Variants in MTSS1 observed in about 807,000 individuals in gnomAD.
MTSS1 encodes the protein protein MTSS 1.
MTSS1 carries 18 observed loss-of-function variants against 79.0 expected under a neutral mutation model. The observed-to-expected ratio is 0.23, with a 90% CI of 0.16 to 0.34. The LOEUF (loss-of-function observed/expected upper bound fraction) is 0.34, where lower values mean the gene tolerates loss of function less well. Among genes scored for constraint, MTSS1 ranks in the 10% least tolerant of loss-of-function variants. The probability of loss-of-function intolerance (pLI) is 1.00; values close to 1 mark genes in which losing one functional copy is unlikely to be tolerated. For synonymous variants in MTSS1, 341 were observed against 368.6 expected (o/e 0.93, Z 0.86); for missense variants, 815 against 986.2 (o/e 0.83, Z 2.33).
At chr8:124,631,109 G>A (rs1038971699) in intron 3 of MTSS1, among the ~76,000 whole-genome samples, 12 of 152,192 alleles carry the variant, frequency 7.9e-5, no homozygotes, top group Admixed American at 2.0e-4. Flanking sequence ...CTGAGGATTC[G>A]CCCTTGAGCC....
At chr8:124,580,529 A>T (rs1050355931) in intron 6 of MTSS1, 1 of 1,535,908 alleles carries the variant, frequency 6.5e-7, no homozygotes, top group Non-Finnish European at 8.7e-7. Flanking sequence ...CAGCCACCAG[A>T]GATTTGGGAT....
chr8:124,572,008 G>T (rs1827901186), intron 6 of MTSS1, among the ~76,000 whole-genome samples: 1 of 152,144 alleles, frequency 6.6e-6, no homozygotes, highest in South Asian at 2.1e-4. Flanking sequence ...AACAGCCTGT[G>T]ATTGTCAGAA....
At chr8:124,585,795 G>A (rs1394993642) in intron 5 of MTSS1, among the ~76,000 whole-genome samples, 1 of 151,770 alleles carries the variant, frequency 6.6e-6, no homozygotes, top group Non-Finnish European at 1.5e-5. Context: ...ACTTTCCCCG[G>A]GCCCAAATCC....
chr8:124,645,033 A>G (rs767258861), intron 3 of MTSS1, among the ~76,000 whole-genome samples: 17 of 152,180 alleles, frequency 1.1e-4, no homozygotes, highest in Admixed American at 3.9e-4. Context: ...ATTTCTGTTC[A>G]AACACCTGAA....
At position 124,555,864 on chromosome 8, in the gene MTSS1, G is replaced by A; in HGVS notation, c.1445C>T (p.Ala482Val). 6 of 1,611,484 alleles carry A rather than the reference G, an allele frequency of 3.7e-6. No homozygotes were observed. Among genetic ancestry groups the A allele is most frequent in the Non-Finnish European group, 5.1e-6 (6 of 1,179,972 alleles). Residue 482 changes from alanine to valine, a missense_variant, in exon 13 of 14, where the codon GCC becomes GTC. Ala to Val is a moderately conservative substitution (Grantham distance 64). Transcript: ENST00000518547. ...EMEACEELAL[A>V]LSRGLQLDTQ... ...GTCCAGCTGCAGGCCCCGAGACAGGGCCAGGGCCAGCTCCTCACAAGCCTC... is the reference window on the plus strand; with the variant it reads ...GTCCAGCTGCAGGCCCCGAGACAGGACCAGGGCCAGCTCCTCACAAGCCTC...
In MTSS1 at chr8:124,557,736, T is replaced by C; in HGVS notation, c.1175A>G (p.His392Arg). 6.2e-7 allele frequency: 1 copy of C among 1,601,330 alleles called. No homozygotes were observed. Among genetic ancestry groups the C allele is most frequent in the Non-Finnish European group, 8.5e-7 (1 of 1,174,032 alleles). ...VTSVHLPDYA[H>R]YYTIGPGMFP... The stretch of plus-strand genomic sequence containing the variant: ...CATGCCGGGCCCAATGGTGTAATAA[T>C]GAGCGTAGTCTGGAAGGTGGACAGA... The change falls in exon 11 of 14, where the codon CAT (histidine) becomes CGT (arginine). Residue 392 changes from histidine (H) to arginine (R), a missense_variant. Physicochemically the swap from His to Arg is conservative, Grantham distance 29. Coordinates refer to ENST00000518547, the MANE Select transcript of MTSS1 (RefSeq NM_014751.6).
rs1271536077 is a variant in MTSS1, at chr8:124,606,173, T to G, written c.209-14938A>C. Among the ~76,000 whole-genome samples the G allele has an allele frequency of 1.5e-4, 11 of 74,208 alleles. No individual in the cohort carries two copies. In the East Asian group the frequency reaches 4.5e-3, roughly 30 times the overall value. The allele number at this position is 74,208 out of a possible 152,430, so 48.7% of individuals were successfully genotyped here. A position where few individuals can be genotyped will look rare whatever the true frequency, so the allele number is the denominator to read the frequency against. ...GTGTTTTCTGTGTTTGGTTTTTTGT[T>G]TTTTTTTTTTTTTTTTGAGATAGAG... On this transcript the variant is annotated intron_variant, in intron 3 of 13. Transcript: ENST00000518547.
Position 124,676,835 on chromosome 8 carries a change from G to A in MTSS1, c.208+22691C>T, listed in dbSNP as rs377691868. On this transcript the variant is annotated intron_variant, in intron 3 of 13. Transcript: ENST00000518547. ...TTAGGAGCCAGGCCTGCCAGACCCA[G>A]TCCCATCAATCAGCCAGCCACGGGC... 7.9e-5 allele frequency among the ~76,000 whole-genome samples: 12 copies of A among 152,268 alleles called. 1 individual carries two copies. The South Asian group carries it at 1.5e-3, about 18-fold the overall frequency.
In MTSS1 at chr8:124,704,184, T is replaced by C; in HGVS notation, c.80A>G (p.Tyr27Cys). ...QTIISDMKGSYPVWEDFINKA... is the reference protein window; with the variant it reads ...QTIISDMKGSCPVWEDFINKA... ...GTTTATGAAATCTTCCCAAACTGGA[T>C]AGCTCCCCTGCAACACATCAAAGAC... The change falls in exon 2 of 14, where the codon TAT becomes TGT. Residue 27 changes from tyrosine to cysteine, a missense_variant. This residue lies in a region of MTSS1 where 225 missense variants were observed against 365.4 expected (regional missense o/e 0.62). Coordinates refer to ENST00000518547, the MANE Select transcript of MTSS1 (RefSeq NM_014751.6). The C allele has an allele frequency of 6.2e-7, 1 of 1,613,960 alleles. No individual in the cohort carries two copies.
chr8:124,563,351 A>C (rs1825743525), intron 9 of MTSS1: 1 of 292,652 alleles, frequency 3.4e-6, no homozygotes, highest in South Asian at 3.2e-5. Flanking sequence ...AGGGGAGCTG[A>C]TGTCAGTAGC....
At chr8:124,711,802 T>C (rs1831205302) in intron 1 of MTSS1, among the ~76,000 whole-genome samples, 1 of 151,672 alleles carries the variant, frequency 6.6e-6, no homozygotes, top group African/African-American at 2.4e-5. Context: ...AGCTCAGGAG[T>C]TCGAGACCAG....
In MTSS1 at chr8:124,566,977, A is replaced by G. The variant is rs1306846076; in HGVS notation, c.726+94T>C. On this transcript the variant is annotated intron_variant, in intron 8 of 13. Coordinates refer to ENST00000518547, the MANE Select transcript of MTSS1 (RefSeq NM_014751.6). ...GAAGGACGTGGTGAATATGACTACAATTTAAGACGTGACACATGCCACAGG... is the reference window on the plus strand; with the variant it reads ...GAAGGACGTGGTGAATATGACTACAGTTTAAGACGTGACACATGCCACAGG... 5.2e-6 allele frequency: 5 copies of G among 956,116 alleles called. No homozygotes were observed. The African/African-American group carries it at 8.2e-5, about 16-fold the overall frequency. The allele number at this position is 956,116 out of a possible 1,614,324, so 59.2% of individuals were successfully genotyped here. A position where few individuals can be genotyped will look rare whatever the true frequency, so the allele number is the denominator to read the frequency against.
At chr8:124,668,673 C>T (rs1587703818) in intron 3 of MTSS1, among the ~76,000 whole-genome samples, 2 of 152,262 alleles carry the variant, frequency 1.3e-5, no homozygotes, top group East Asian at 1.9e-4. Flanking sequence ...AAAGATGAAA[C>T]GGCATCAGCA....
At chr8:124,568,769 T>C (rs893719269) in intron 6 of MTSS1, 2 of 1,456,370 alleles carry the variant, frequency 1.4e-6, no homozygotes, top group East Asian at 2.5e-5. Flanking sequence ...ACAAGGAAAA[T>C]GTCCTGGGGC....
Position 124,553,810 on chromosome 8 carries a change from T to G in MTSS1, c.1568-118A>C. ...GTACACACACAGTCTCATCCCAAGC[T>G]TCCCCCAGGCTTCTCTACCATCTTC... is the stretch of plus-strand genomic sequence containing the variant. On this transcript the variant is annotated intron_variant, in intron 13 of 13. Coordinates refer to ENST00000518547, the MANE Select transcript of MTSS1 (RefSeq NM_014751.6). The surrounding 1 kb of genome is among the most constrained non-coding windows in gnomAD (Gnocchi z 6.0). 1 of 872,976 alleles carries G rather than the reference T, an allele frequency of 1.1e-6. No homozygotes were observed. The highest frequency in any genetic ancestry group is 1.7e-6 in the Non-Finnish European group (1 of 584,990). The allele number at this position is 872,976 out of a possible 1,614,324, so 54.1% of individuals were successfully genotyped here. A position where few individuals can be genotyped will look rare whatever the true frequency, so the allele number is the denominator to read the frequency against.
At chr8:124,577,345 G>A (rs1829153066) in intron 6 of MTSS1, among the ~76,000 whole-genome samples, 1 of 152,204 alleles carries the variant, frequency 6.6e-6, no homozygotes, top group Non-Finnish European at 1.5e-5. Context: ...TGCCTCCCAG[G>A]TTTAAGCGAT....
Position 124,553,128 on chromosome 8 carries a change from T to C in MTSS1, c.2132A>G (p.Gln711Arg), listed in dbSNP as rs1381186243. ...EPPSATVSPG[Q>R]IPESDPADLS... is the part of the protein sequence containing the mutation. ...GTCTGCAGGGTCACTCTCTGGAATC[T>C]GGCCTGGGGAGACAGTGGCACTTGG... Residue 711 changes from glutamine to arginine, a missense_variant, in exon 14 of 14, where the codon CAG (glutamine) becomes CGG (arginine). Physicochemically the swap from Gln to Arg is conservative, Grantham distance 43 (BLOSUM62 1). Coordinates refer to ENST00000518547, the MANE Select transcript of MTSS1 (RefSeq NM_014751.6). This position sits in a 1 kb window ranked among gnomAD's most constrained non-coding sequence, Gnocchi z 6.0. 1.2e-6 allele frequency: 2 copies of C among 1,614,158 alleles called. No homozygotes were observed. Among genetic ancestry groups the C allele is most frequent in the Non-Finnish European group, 1.7e-6 (2 of 1,180,032 alleles).
chr8:124,595,629 C>G (rs79922880), intron 3 of MTSS1, among the ~76,000 whole-genome samples: 8,236 of 152,272 alleles, frequency 0.054, 341 homozygotes, highest in Non-Finnish European at 0.078. Flanking sequence ...CCTGGATCAT[C>G]CAGGATCACC....
intron 3 of MTSS1, among the ~76,000 whole-genome samples, chr8:124,592,935 G>A (rs75506540): frequency 0.019 from 2,891 of 152,248 alleles, 100 homozygotes; most frequent in African/African-American, 0.066. Flanking sequence ...CAAGTGTTGG[G>A]CAACAAATCA....
Sources: gnomAD v4.1 joint callset for allele counts (sites outside exome capture counted in the v4.1 genomes callset) on GRCh38, gnomAD v4.1.1 for gene constraint, gnomAD v4.1.1 regional missense constraint, Gnocchi (gnomAD v3.1) non-coding constraint, MANE v1.5 for transcripts, NCBI Gene and HGNC (gene_info 2026-07-23, HGNC 2026-07-21) for gene names.